Variants in SLC26A11 observed in about 807,000 individuals in gnomAD.
The protein encoded by SLC26A11 is sodium-independent sulfate anion transporter.
SLC26A11 carries 58 observed loss-of-function variants against 62.2 expected under a neutral mutation model. That is an observed-to-expected ratio of 0.93 (90% CI 0.76 to 1.16). The LOEUF is 1.16. Ranked by LOEUF, SLC26A11 falls within the 50% of genes most tolerant of loss-of-function variation. SLC26A11 has a pLI of 0.00. For synonymous variants in SLC26A11, 411 were observed against 368.9 expected (o/e 1.11, Z -1.31); for missense variants, 790 against 794.3 (o/e 0.99, Z 0.06).
intron 7 of SLC26A11, among the ~76,000 whole-genome samples, chr17:80,234,315 A>C (rs1257333521): frequency 6.6e-6 from 1 of 152,176 alleles, no homozygotes; most frequent in East Asian, 1.9e-4. Context: ...TCAGGACTTT[A>C]AAGATGCTAT....
intron 7 of SLC26A11, among the ~76,000 whole-genome samples, chr17:80,232,126 A>G (rs1052006098): frequency 6.6e-6 from 1 of 152,236 alleles, no homozygotes; most frequent in African/African-American, 2.4e-5. Flanking sequence ...GTATAAAAAC[A>G]TATAGAATTA....
At chr17:80,248,501 C>T in intron 14 of SLC26A11, 74 bp from the exon 15 acceptor site, 1 of 1,461,506 alleles carries the variant, frequency 6.8e-7, no homozygotes, top group South Asian at 1.3e-5. Flanking sequence ...GTGGGGGCTT[C>T]CCGCTTGGGA....
chr17:80,227,911 GC>G lies in SLC26A11; in HGVS notation c.692del (p.Pro231LeufsTer34). 6.2e-7 allele frequency: 1 copy of G among 1,601,404 alleles called. No homozygotes were observed. The highest frequency in any genetic ancestry group is 1.7e-5 in the Admixed American group (1 of 60,014). On this transcript the variant is annotated frameshift_variant, in exon 7 of 18. Coordinates refer to ENST00000361193, the MANE Select transcript of SLC26A11 (RefSeq NM_001166347.2). LOFTEE classifies it high-confidence loss of function. ...DHVPPVHPEM[P>X]PGVRLSRGLV... ...ACGTGCCTCCCGTCCACCCCGAGAT[GC>G]CCCCTGGTGTGCGGCTCAGCCGTGG...
chr17:80,225,008 A>C (rs983332047), intron 5 of SLC26A11, among the ~76,000 whole-genome samples: 101 of 152,124 alleles, frequency 6.6e-4, no homozygotes, highest in African/African-American at 2.3e-3. Context: ...CAGGGCCTCA[A>C]CTTTCCCCTC....
At chr17:80,239,391 C>CT (rs576920538) in intron 9 of SLC26A11, among the ~76,000 whole-genome samples, 130 of 131,568 alleles carry the variant, frequency 9.9e-4, no homozygotes, top group Admixed American at 1.8e-3. Flanking sequence ...CCAGTAATTT[C>CT]TTTTTTTTTT....
At position 80,252,134 on chromosome 17, in the gene SLC26A11, T is replaced by G. The variant is rs1471929331; in HGVS notation, c.1730-491T>G. ...GCCGCAGCAGGTGTCAACAAGAGGA[T>G]GGGCCAGAGATGCAGAGCATCCACC... On this transcript the variant is annotated intron_variant, in intron 17 of 17. Transcript: ENST00000361193. The surrounding 1 kb of genome is among the most constrained non-coding windows in gnomAD (Gnocchi z 5.2). Among the ~76,000 whole-genome samples, 3 of 152,078 alleles carry G rather than the reference T, an allele frequency of 2.0e-5. No individual in the cohort carries two copies. Among genetic ancestry groups the G allele is most frequent in the African/African-American group, 7.2e-5 (3 of 41,400 alleles).
At position 80,221,555 on chromosome 17, in the gene SLC26A11, G is replaced by T. The variant is rs200345707; in HGVS notation, c.-6G>T. 5.1e-6 allele frequency: 8 copies of T among 1,582,942 alleles called. No homozygotes were observed. The highest frequency in any genetic ancestry group is 6.8e-6 in the Non-Finnish European group (8 of 1,169,102). ...GTCACCTGCACCCCCCAGCCCCACC[G>T]TAGAGATGCCTTCTTCGGTGACGGC... is the stretch of plus-strand genomic sequence containing the variant. On this transcript the variant is annotated 5_prime_UTR_variant, in exon 3 of 18. Transcript: ENST00000361193.
intron 10 of SLC26A11, among the ~76,000 whole-genome samples, chr17:80,242,928 C>G (rs749701226): frequency 6.6e-6 from 1 of 152,132 alleles, no homozygotes; most frequent in Non-Finnish European, 1.5e-5. Flanking sequence ...AGGCTGGTCT[C>G]AAACTCCTGA....
chr17:80,225,459 T>C (rs1379922228), intron 5 of SLC26A11: 1 of 229,156 alleles, frequency 4.4e-6, no homozygotes, highest in East Asian at 1.1e-4. Flanking sequence ...GGGGCCTGGC[T>C]GCTGAGTGGC....
chr17:80,235,213 G>GT lies in SLC26A11; in HGVS notation c.737-1705dup, dbSNP rs566478060. On this transcript the variant is annotated intron_variant, in intron 7 of 17. Coordinates refer to ENST00000361193, the MANE Select transcript of SLC26A11 (RefSeq NM_001166347.2). ...ACTTAACAGTTGCAATCTTTCCTCTGTTTTTTTTTTAAGTATATGGAATTT... is the reference window on the plus strand; with the variant it reads ...ACTTAACAGTTGCAATCTTTCCTCTGTTTTTTTTTTTAAGTATATGGAATTT... 1.4e-3 allele frequency among the ~76,000 whole-genome samples: 206 copies of GT among 145,896 alleles called. 1 individual carries two copies. The highest frequency in any genetic ancestry group is 1.7e-3 in the Admixed American group (25 of 14,670).
rs373957119 is a variant in SLC26A11 at position 80,249,286 on chromosome 17, A to C, written c.1655A>C (p.Gln552Pro). The stretch of plus-strand genomic sequence containing the variant: ...GTCGCCCTGGCCTTTGTGGGCCTGC[A>C]GGTGGGTGTGCACTGGGCTGCCTTA... ...QGVALAFVGLQVPVLRVLLSA... is the reference protein window; with the variant it reads ...QGVALAFVGLPVPVLRVLLSA... The change falls in exon 16 of 18, where the codon CAG becomes CCG. Residue 552 changes from glutamine to proline, a missense_variant and splice_region_variant. Coordinates refer to ENST00000361193, the MANE Select transcript of SLC26A11 (RefSeq NM_001166347.2). 1 of 1,609,854 alleles carries C rather than the reference A, an allele frequency of 6.2e-7. No homozygotes were observed. The highest frequency in any genetic ancestry group is 8.5e-7 in the Non-Finnish European group (1 of 1,179,972).
chr17:80,245,877 A>G (rs1358443394), intron 11 of SLC26A11, among the ~76,000 whole-genome samples: 1 of 152,130 alleles, frequency 6.6e-6, no homozygotes, highest in Non-Finnish European at 1.5e-5. Flanking sequence ...CCTGCTGGGT[A>G]TGGGGGCCCC....
Position 80,222,705 on chromosome 17 carries a change from C to A in SLC26A11, c.285C>A (p.Gly95=). 1 of 1,614,134 alleles carries A rather than the reference C, an allele frequency of 6.2e-7. No homozygotes were observed. Among genetic ancestry groups the A allele is most frequent in the Non-Finnish European group, 8.5e-7 (1 of 1,180,032 alleles). Residue 95 remains glycine, a synonymous_variant, in exon 4 of 18, where the codon GGC becomes GGA. Coordinates refer to ENST00000361193, the MANE Select transcript of SLC26A11 (RefSeq NM_001166347.2). The surrounding 1 kb of genome is among the most constrained non-coding windows in gnomAD (Gnocchi z 4.7). The part of the protein sequence containing the change: ...FMGCFVYFFL[G]TSRDVTLGPT... ...GCTGCTTCGTGTATTTCTTCCTGGG[C>A]ACCTCCCGGGATGTGACTCTGGGCC...
In SLC26A11 at chr17:80,246,174, C is replaced by T. The variant is rs374707575; in HGVS notation, c.1118C>T (p.Ser373Leu). The T allele has an allele frequency of 2.5e-5, 40 of 1,612,912 alleles. No homozygotes were observed. The highest frequency in any genetic ancestry group is 3.1e-5 in the Non-Finnish European group (36 of 1,179,944). The change falls in exon 12 of 18, where the codon TCG becomes TTG. Residue 373 changes from serine (S) to leucine (L), a missense_variant. Transcript: ENST00000361193. The surrounding 1 kb of genome is among the most constrained non-coding windows in gnomAD (Gnocchi z 4.4). ...TCCAGGACAGCCGTGAACGCTCAGTCGGGGGTGTGCACCCCGGCGGGGGGC... is the reference window on the plus strand; with the variant it reads ...TCCAGGACAGCCGTGAACGCTCAGTTGGGGGTGTGCACCCCGGCGGGGGGC... ...SFGRTAVNAQSGVCTPAGGLV... is the reference protein window; with the variant it reads ...SFGRTAVNAQLGVCTPAGGLV...
intron 10 of SLC26A11, among the ~76,000 whole-genome samples, chr17:80,243,019 T>C (rs993760607): frequency 2.0e-5 from 3 of 152,148 alleles, no homozygotes; most frequent in African/African-American, 7.2e-5. Context: ...GTGTGAATCT[T>C]AAATTCAGTT....
chr17:80,253,027 A>G lies in SLC26A11; in HGVS notation c.*311A>G, dbSNP rs74000688. Reference sequence around the variant, plus strand: ...CGAGGAAGCAGGGGCAGGGGTTTCCAGCCCGGGCTGTGCGAGGCATCCTGG... The same window carrying G: ...CGAGGAAGCAGGGGCAGGGGTTTCCGGCCCGGGCTGTGCGAGGCATCCTGG... On this transcript the variant is annotated 3_prime_UTR_variant, in exon 18 of 18. Coordinates refer to ENST00000361193, the MANE Select transcript of SLC26A11 (RefSeq NM_001166347.2). 0.056 allele frequency: 11,190 copies of G among 201,006 alleles called. 877 individuals are homozygous for G. The highest frequency in any genetic ancestry group is 0.2 in the African/African-American group (8,450 of 42,656). 12.5% of individuals were successfully genotyped at this position (201,006 alleles called of 1,614,324 possible). A position where few individuals can be genotyped will look rare whatever the true frequency, so the allele number is the denominator to read the frequency against.
At chr17:80,231,731 A>G (rs958121152) in intron 7 of SLC26A11, among the ~76,000 whole-genome samples, 19 of 152,354 alleles carry the variant, frequency 1.2e-4, no homozygotes, top group Non-Finnish European at 1.9e-4. Flanking sequence ...TTAGTTTCCA[A>G]ATAGTTGGGG....
chr17:80,248,189 G>C lies in SLC26A11; in HGVS notation c.1354G>C (p.Gly452Arg). 6.2e-7 allele frequency: 1 copy of C among 1,608,914 alleles called. No homozygotes were observed. The highest frequency in any genetic ancestry group is 1.7e-4 in the Middle Eastern group (1 of 6,056). ...FLLCFWEVQY[G>R]ILAGALVSLL... ...GCTGTGCTTCTGGGAGGTGCAGTAC[G>C]GCATCCTGGCCGGGGCCCTGGTGTC... is the stretch of plus-strand genomic sequence containing the variant. The change falls in exon 14 of 18, where the codon GGC becomes CGC. Residue 452 changes from glycine to arginine, a missense_variant. Transcript: ENST00000361193.
intron 10 of SLC26A11, among the ~76,000 whole-genome samples, chr17:80,242,479 G>A (rs928871857): frequency 6.6e-6 from 1 of 152,160 alleles, no homozygotes; most frequent in Non-Finnish European, 1.5e-5. Context: ...TAGTGCCGGG[G>A]GTCAAGAGGG....
Sources: gnomAD v4.1 joint callset for allele counts (sites outside exome capture counted in the v4.1 genomes callset) on GRCh38, gnomAD v4.1.1 for gene constraint, Gnocchi (gnomAD v3.1) non-coding constraint, MANE v1.5 for transcripts, NCBI Gene and HGNC (gene_info 2026-07-23, HGNC 2026-07-21) for gene names.